BBS12: variants seen among roughly 807,000 people sequenced by gnomAD.
The protein encoded by BBS12 is chaperonin-containing T-complex member BBS12.
A neutral mutation model predicts 5.6 loss-of-function variants in BBS12; 5 were observed. That is an observed-to-expected ratio of 0.89 (90% CI 0.46 to 1.86). The LOEUF (loss-of-function observed/expected upper bound fraction) is 1.86. Ranked by LOEUF, BBS12 falls within the 40% of genes most tolerant of loss-of-function variation. The pLI is 0.01. For synonymous variants in BBS12, 308 were observed against 306.8 expected, an observed-to-expected ratio of 1.00 and a Z score of -0.04; for missense variants, 748 against 830.4, an observed-to-expected ratio of 0.90 and a Z score of 1.22.
upstream of BBS12, chr4:122,729,884 T>C (rs1800676097): frequency 6.6e-6 from 1 of 152,218 alleles, no homozygotes; most frequent in South Asian, 2.1e-4. Context: ...GAGGCAGAGG[T>C]TGCATTGAGC....
chr4:122,705,796 A>G, the BBS12 span, among the ~76,000 whole-genome samples: 1 of 152,246 alleles, frequency 6.6e-6, no homozygotes, highest in African/African-American at 2.4e-5. Context: ...TTGTCCTGAT[A>G]TGTTGCAGTC....
At chr4:122,714,550 C>G in the BBS12 span, among the ~76,000 whole-genome samples, 1 of 151,950 alleles carries the variant, frequency 6.6e-6, no homozygotes, top group African/African-American at 2.4e-5. Flanking sequence ...GAGGCTGAGG[C>G]GGGCGCATCA....
At chr4:122,739,445 G>A (rs1459009856) in intron 1 of BBS12, among the ~76,000 whole-genome samples, 1 of 152,242 alleles carries the variant, frequency 6.6e-6, no homozygotes, top group East Asian at 1.9e-4. Flanking sequence ...CAGGCCTTTT[G>A]CATTAAGCAA....
upstream of BBS12, chr4:122,732,408 T>G (rs61739499): frequency 8.8e-3 from 1,348 of 152,482 alleles, 12 homozygotes; most frequent in Non-Finnish European, 0.011. Context: ...AGGTTACAGC[T>G]TCACACTCAC....
the BBS12 span, among the ~76,000 whole-genome samples, chr4:122,705,995 TCTTC>T: frequency 2.0e-5 from 3 of 152,244 alleles, no homozygotes; most frequent in Non-Finnish European, 4.4e-5. Context: ...TTATGCTTTC[TCTTC>T]CTTGTTTGCC....
the BBS12 span, among the ~76,000 whole-genome samples, chr4:122,722,466 A>G: frequency 1.3e-5 from 2 of 152,228 alleles, no homozygotes; most frequent in African/African-American, 2.4e-5. Context: ...TGATTGCACA[A>G]TATCTGTAGA....
the BBS12 span, among the ~76,000 whole-genome samples, chr4:122,723,435 C>T: frequency 3.3e-5 from 5 of 152,182 alleles, no homozygotes; most frequent in Non-Finnish European, 5.9e-5. Flanking sequence ...ATTTAGCTTT[C>T]GCTCCATTTC....
At chr4:122,716,538 CAT>C in the BBS12 span, among the ~76,000 whole-genome samples, 18 of 100,136 alleles carry the variant, frequency 1.8e-4, no homozygotes, top group South Asian at 1.6e-3. Context: ...TTTATATATA[CAT>C]ATGTGTATAT....
chr4:122,738,723 A>G (rs1462763806), intron 1 of BBS12, among the ~76,000 whole-genome samples: 1 of 152,234 alleles, frequency 6.6e-6, no homozygotes, highest in Non-Finnish European at 1.5e-5. Context: ...CATTTCTCCA[A>G]AAAAGATACA....
chr4:122,703,469 A>C, the BBS12 span, among the ~76,000 whole-genome samples: 8 of 152,214 alleles, frequency 5.3e-5, no homozygotes, highest in Non-Finnish European at 1.2e-4. Flanking sequence ...TTGATCCCAG[A>C]AGTTTGACGT....
chr4:122,735,783 T>C (rs1406044737), intron 1 of BBS12, among the ~76,000 whole-genome samples: 2 of 152,194 alleles, frequency 1.3e-5, no homozygotes, highest in Non-Finnish European at 2.9e-5. Flanking sequence ...GGAAATTACA[T>C]TCTAAGAGAG....
chr4:122,726,292 A>G, the BBS12 span, among the ~76,000 whole-genome samples: 1 of 152,240 alleles, frequency 6.6e-6, no homozygotes. Flanking sequence ...AAAAGAAGAT[A>G]TACAAATGGC....
intron 1 of BBS12, among the ~76,000 whole-genome samples, chr4:122,739,216 G>A (rs1018402959): frequency 3.3e-5 from 5 of 152,318 alleles, no homozygotes; most frequent in South Asian, 2.1e-4. Context: ...GAATAAATAA[G>A]TATTGTTTTA....
intron 1 of BBS12, among the ~76,000 whole-genome samples, chr4:122,739,981 A>G (rs1268584504): frequency 6.6e-6 from 1 of 152,222 alleles, no homozygotes; most frequent in Non-Finnish European, 1.5e-5. Context: ...GCAAACATTA[A>G]GAATGCTGGC....
At chr4:122,716,657 G>A in the BBS12 span, among the ~76,000 whole-genome samples, 297 of 66,038 alleles carry the variant, frequency 4.5e-3, 3 homozygotes, top group African/African-American at 0.02. Flanking sequence ...GTGTGTATAT[G>A]CACATACACA....
At chr4:122,741,602 T>C (rs1024269929) in intron 1 of BBS12, among the ~76,000 whole-genome samples, 1 of 152,172 alleles carries the variant, frequency 6.6e-6, no homozygotes, top group Non-Finnish European at 1.5e-5. Flanking sequence ...TGTAACTCTT[T>C]CCAGTTATTT....
chr4:122,734,619 A>C (rs1487396912), intron 1 of BBS12, among the ~76,000 whole-genome samples: 2 of 152,170 alleles, frequency 1.3e-5, no homozygotes, highest in Admixed American at 6.5e-5. Flanking sequence ...CCCAGAAATG[A>C]ATAGTGACCA....
the BBS12 span, among the ~76,000 whole-genome samples, chr4:122,718,398 A>T: frequency 1.3e-5 from 2 of 152,290 alleles, no homozygotes; most frequent in Admixed American, 6.5e-5. Flanking sequence ...CTAGTTCAGG[A>T]TATGATGAAC....
chr4:122,701,204 A>C, the BBS12 span, among the ~76,000 whole-genome samples: 4 of 152,298 alleles, frequency 2.6e-5, no homozygotes, highest in African/African-American at 9.6e-5. Context: ...CTTTCATCCT[A>C]GTCATTTCTG....
Sources: gnomAD v4.1 joint callset for allele counts (sites outside exome capture counted in the v4.1 genomes callset) on GRCh38, gnomAD v4.1.1 for gene constraint, MANE v1.5 for transcripts, NCBI Gene and HGNC (gene_info 2026-07-23, HGNC 2026-07-21) for gene names.